The following ATF3 variants were observed in gnomAD, a reference collection of about 807,000 sequenced individuals.
ATF3 encodes activating transcription factor 3.
ATF3 carries 10 observed loss-of-function variants against 18.4 expected under a neutral mutation model. The observed-to-expected ratio is 0.54, with a 90% confidence interval of 0.34 to 0.92. The LOEUF (loss-of-function observed/expected upper bound fraction) is 0.92, where lower values mean the gene tolerates loss of function less well. Among genes scored for constraint, ATF3 ranks in the 40% least tolerant of loss-of-function variants. The pLI, the probability that ATF3 is intolerant of heterozygous loss-of-function variation, is 0.02. For missense variants in ATF3, 183 were observed against 222.3 expected (o/e 0.82, Z 1.12); for synonymous variants, 78 against 87.9 (o/e 0.89, Z 0.63).
At chr1:212,590,568 A>T (rs1664863884) in intron 1 of ATF3, among the ~76,000 whole-genome samples, 1 of 152,200 alleles carries the variant, frequency 6.6e-6, no homozygotes, top group South Asian at 2.1e-4. Flanking sequence ...CAGTATAAAC[A>T]CTTCCTTATA....
At chr1:212,596,978 A>G (rs913732353) in intron 1 of ATF3, among the ~76,000 whole-genome samples, 17 of 152,250 alleles carry the variant, frequency 1.1e-4, no homozygotes, top group Admixed American at 2.0e-4. Flanking sequence ...TGCCAGGCAT[A>G]CAGTAGGCAC....
At chr1:212,588,817 C>T (rs3122721) in intron 1 of ATF3, among the ~76,000 whole-genome samples, 44,272 of 151,970 alleles carry the variant, frequency 0.29, 6,926 homozygotes, top group East Asian at 0.41. Context: ...TTATTTTGGA[C>T]ATTTCGAATT....
At chr1:212,565,745 C>G (rs1240990284) in intron 1 of ATF3, among the ~76,000 whole-genome samples, 1 of 152,158 alleles carries the variant, frequency 6.6e-6, no homozygotes, top group African/African-American at 2.4e-5. Flanking sequence ...ACTGACCCCT[C>G]TGCAGGTTAC....
chr1:212,619,934 C>G lies in ATF3; in HGVS notation c.*379C>G. The G allele has an allele frequency of 3.5e-6, 1 of 284,598 alleles. No individual in the cohort carries two copies. The highest frequency in any genetic ancestry group is 3.7e-5 in the South Asian group (1 of 26,816). The allele number at this position is 284,598 out of a possible 1,614,324, so 17.6% of individuals were successfully genotyped here. On this transcript the variant is annotated 3_prime_UTR_variant, in exon 4 of 4. Coordinates refer to ENST00000341491, the MANE Select transcript of ATF3 (RefSeq NM_001674.4). This position sits in a 1 kb window ranked among gnomAD's most constrained non-coding sequence, Gnocchi z 4.4. ...TCGGGTGGGAGGGATGGGGCCATCTCCTTCACCGTGGCTACCATTGTCACT... is the reference window on the plus strand; with the variant it reads ...TCGGGTGGGAGGGATGGGGCCATCTGCTTCACCGTGGCTACCATTGTCACT...
upstream of ATF3, among the ~76,000 whole-genome samples, chr1:212,605,541 G>C (rs1654599678): frequency 6.6e-6 from 1 of 152,252 alleles, no homozygotes. Context: ...TTAGGGTTTA[G>C]AGAACAGAGT....
At chr1:212,616,145 G>A (rs1282394777) in intron 2 of ATF3, among the ~76,000 whole-genome samples, 1 of 151,978 alleles carries the variant, frequency 6.6e-6, no homozygotes, top group Non-Finnish European at 1.5e-5. Context: ...AGAGTATAGG[G>A]GTGGGAGATA....
At chr1:212,610,921 T>G (rs973706487) in intron 1 of ATF3, among the ~76,000 whole-genome samples, 7 of 152,204 alleles carry the variant, frequency 4.6e-5, no homozygotes, top group Non-Finnish European at 1.0e-4. Flanking sequence ...GCAAGTCATT[T>G]TTACCTCCCT....
intron 1 of ATF3, 113 bp from the exon 2 acceptor site, chr1:212,614,904 AT>A: frequency 6.3e-7 from 1 of 1,589,736 alleles, no homozygotes. Context: ...CCAAGGGCTT[AT>A]GGGACTTTTC....
intron 1 of ATF3, among the ~76,000 whole-genome samples, chr1:212,578,748 T>C (rs1043564820): frequency 1.3e-5 from 2 of 152,130 alleles, no homozygotes; most frequent in African/African-American, 2.4e-5. Context: ...TTTGTTTGGT[T>C]TTCTGTCTTT....
At chr1:212,599,509 C>A (rs1654414845) in intron 1 of ATF3, among the ~76,000 whole-genome samples, 1 of 152,206 alleles carries the variant, frequency 6.6e-6, no homozygotes. Flanking sequence ...CAATAATCCA[C>A]ACTGACTCCT....
chr1:212,597,601 C>A (rs1279211668), intron 1 of ATF3, among the ~76,000 whole-genome samples: 1 of 152,164 alleles, frequency 6.6e-6, no homozygotes, highest in Non-Finnish European at 1.5e-5. Flanking sequence ...GAGGTTGAGA[C>A]TCTTGCTGCC....
chr1:212,618,361 T>C lies in ATF3; in HGVS notation c.348+127T>C. 10 of 960,612 alleles carry C rather than the reference T, an allele frequency of 1.0e-5. No individual in the cohort carries two copies. Among genetic ancestry groups the C allele is most frequent in the Non-Finnish European group, 1.5e-5 (9 of 592,664 alleles). The allele number at this position is 960,612 out of a possible 1,614,324, so 59.5% of individuals were successfully genotyped here. A position where few individuals can be genotyped will look rare whatever the true frequency, so the allele number is the denominator to read the frequency against. On this transcript the variant is annotated intron_variant, in intron 3 of 3. Transcript: ENST00000341491. The surrounding 1 kb of genome is among the most constrained non-coding windows in gnomAD (Gnocchi z 4.4). ...AGTTTCCCAAGAAGGGCCTTGTAGC[T>C]GGTAGCAGAAATGCCAGTTGCAGAA...
At chr1:212,589,133 C>T (rs1035800510) in intron 1 of ATF3, among the ~76,000 whole-genome samples, 8 of 152,194 alleles carry the variant, frequency 5.3e-5, no homozygotes, top group African/African-American at 9.6e-5. Flanking sequence ...TGACTGTGGC[C>T]GGGTGGAGAA....
At chr1:212,605,272 T>C (rs1654588580), upstream of ATF3, among the ~76,000 whole-genome samples, 1 of 152,244 alleles carries the variant, frequency 6.6e-6, no homozygotes, top group South Asian at 2.1e-4. Context: ...TTCCACACTT[T>C]GGTGCCTACT....
chr1:212,573,856 T>C (rs1487270050), intron 1 of ATF3, among the ~76,000 whole-genome samples: 1 of 151,926 alleles, frequency 6.6e-6, no homozygotes, highest in Non-Finnish European at 1.5e-5. Context: ...TTTATAATTT[T>C]GCAAAGTATT....
At chr1:212,581,580 A>G (rs572219764) in intron 1 of ATF3, among the ~76,000 whole-genome samples, 12 of 152,230 alleles carry the variant, frequency 7.9e-5, no homozygotes, top group Non-Finnish European at 1.8e-4. Context: ...GCACTGCAAT[A>G]GAAAATTATA....
intron 1 of ATF3, among the ~76,000 whole-genome samples, chr1:212,612,008 T>C (rs1351526284): frequency 6.6e-6 from 1 of 152,216 alleles, no homozygotes; most frequent in Non-Finnish European, 1.5e-5. Flanking sequence ...AGATTTAACT[T>C]CATTTCCTTG....
intron 2 of ATF3, among the ~76,000 whole-genome samples, chr1:212,617,217 A>G (rs1480390846): frequency 2.0e-5 from 3 of 152,244 alleles, no homozygotes; most frequent in East Asian, 3.9e-4. Flanking sequence ...CCCTGTAGCA[A>G]TGTTCACAGC....
chr1:212,614,039 T>C (rs1654999414), intron 1 of ATF3: 1 of 152,034 alleles, frequency 6.6e-6, no homozygotes, highest in Non-Finnish European at 1.5e-5. Context: ...CCCACTTCAT[T>C]TATCAGTTGG....
Sources: gnomAD v4.1 joint callset for allele counts (sites outside exome capture counted in the v4.1 genomes callset) on GRCh38, gnomAD v4.1.1 for gene constraint, Gnocchi (gnomAD v3.1) non-coding constraint, MANE v1.5 for transcripts, NCBI Gene and HGNC (gene_info 2026-07-23, HGNC 2026-07-21) for gene names.